Variants in FGFR2 observed in about 807,000 individuals in gnomAD.
FGFR2 encodes fibroblast growth factor receptor 2.
In FGFR2, 19 loss-of-function variants were observed where a neutral mutation model predicts 95.9. That is an observed-to-expected ratio of 0.20 (90% CI 0.14 to 0.29). The LOEUF (loss-of-function observed/expected upper bound fraction) is 0.29. FGFR2 is among the 10% of genes least tolerant of loss of function. The pLI is 1.00. For synonymous variants in FGFR2, 392 were observed against 393.3 expected, an observed-to-expected ratio of 1.00 and a Z score of 0.04; for missense variants, 707 against 1,056.9, an observed-to-expected ratio of 0.67 and a Z score of 4.59.
chr10:121,570,571 T>A (rs1174511047), intron 2 of FGFR2, among the ~76,000 whole-genome samples: 2 of 152,204 alleles, frequency 1.3e-5, no homozygotes, highest in Non-Finnish European at 2.9e-5. Context: ...TGGCATACTT[T>A]TCACCTTTCC....
At chr10:121,503,221 T>A (rs942791540) in intron 10 of FGFR2, among the ~76,000 whole-genome samples, 2 of 152,226 alleles carry the variant, frequency 1.3e-5, no homozygotes. Flanking sequence ...CAGGTGGCCA[T>A]ATTTTGACTA....
At chr10:121,556,102 TTGGATGGATGGATGGA>T (rs58257467) in intron 4 of FGFR2, among the ~76,000 whole-genome samples, 1 of 152,022 alleles carries the variant, frequency 6.6e-6, no homozygotes, top group South Asian at 2.1e-4. Flanking sequence ...TCAAGCGTTA[TTGGATGGATGGATGGA>T]TGGATGGATG....
intron 5 of FGFR2, among the ~76,000 whole-genome samples, chr10:121,547,158 AG>A (rs961782848): frequency 6.6e-6 from 1 of 152,322 alleles, no homozygotes; most frequent in Admixed American, 6.5e-5. Flanking sequence ...CGGGAGGCAG[AG>A]GTTACAGTGT....
chr10:121,486,458 C>T (rs1361084083), intron 15 of FGFR2, among the ~76,000 whole-genome samples: 1 of 151,370 alleles, frequency 6.6e-6, no homozygotes, highest in African/African-American at 2.4e-5. Context: ...ATTTTTTTTT[C>T]CCCAGACAGA....
At chr10:121,571,686 G>A (rs989896888) in intron 2 of FGFR2, among the ~76,000 whole-genome samples, 1 of 151,938 alleles carries the variant, frequency 6.6e-6, no homozygotes, top group Non-Finnish European at 1.5e-5. Context: ...GCTCGTGCTT[G>A]TAATCCCAGC....
In FGFR2 at chr10:121,524,677, C is replaced by T. The variant is rs188349262; in HGVS notation, c.749-4508G>A. On this transcript the variant is annotated intron_variant, in intron 6 of 17. Coordinates refer to ENST00000358487, the MANE Select transcript of FGFR2 (RefSeq NM_000141.5). ...GACAGCGCCTGGACTCCTTTCCTAA[C>T]TTCTGAAAAACCGAGGTGATGGCAG... is the stretch of plus-strand genomic sequence containing the variant. Among the ~76,000 whole-genome samples, 421 of 152,318 alleles carry T rather than the reference C, an allele frequency of 2.8e-3. 5 individuals carry two copies. The highest frequency in any genetic ancestry group is 1.0e-3 in the Non-Finnish European group (69 of 68,036).
intron 4 of FGFR2, among the ~76,000 whole-genome samples, chr10:121,560,433 T>C (rs984856807): frequency 6.6e-6 from 1 of 151,824 alleles, no homozygotes; most frequent in Non-Finnish European, 1.5e-5. Context: ...GCTAACATGG[T>C]GGAACCCCAT....
At chr10:121,493,693 G>A (rs1187696314) in intron 13 of FGFR2, among the ~76,000 whole-genome samples, 1 of 152,184 alleles carries the variant, frequency 6.6e-6, no homozygotes, top group African/African-American at 2.4e-5. Flanking sequence ...CCACGCCCAT[G>A]GCTTGAACTC....
intron 4 of FGFR2, among the ~76,000 whole-genome samples, chr10:121,556,210 G>A (rs765085902): frequency 2.0e-5 from 3 of 152,108 alleles, no homozygotes; most frequent in Non-Finnish European, 2.9e-5. Context: ...TAAGGTCCCC[G>A]CCAGTTCGAA....
At chr10:121,563,167 A>G (rs1857211105) in intron 4 of FGFR2, among the ~76,000 whole-genome samples, 1 of 152,172 alleles carries the variant, frequency 6.6e-6, no homozygotes, top group African/African-American at 2.4e-5. Flanking sequence ...CAAGGTCAAG[A>G]GTTCGAGACC....
chr10:121,555,157 G>A (rs929434258), intron 4 of FGFR2, among the ~76,000 whole-genome samples: 1 of 152,196 alleles, frequency 6.6e-6, no homozygotes, highest in Non-Finnish European at 1.5e-5. Flanking sequence ...CGGATCACCT[G>A]AGGTCAGGAG....
chr10:121,590,052 C>A lies in FGFR2; in HGVS notation c.109+3657G>T, dbSNP rs531106887. 2.5e-3 allele frequency among the ~76,000 whole-genome samples: 359 copies of A among 146,400 alleles called. 2 individuals are homozygous for A. Among genetic ancestry groups the A allele is most frequent in the Middle Eastern group, 3.6e-3 (1 of 276 alleles). ...GACTTAGGGAGGTCTCTGTGTAGAT[C>A]CTGTCCTCGACGTTTCTGCTACTGA... On this transcript the variant is annotated intron_variant, in intron 2 of 17. Coordinates refer to ENST00000358487, the MANE Select transcript of FGFR2 (RefSeq NM_000141.5).
chr10:121,592,610 C>T (rs1050596038), intron 2 of FGFR2, among the ~76,000 whole-genome samples: 2 of 152,108 alleles, frequency 1.3e-5, no homozygotes, highest in African/African-American at 4.8e-5. Flanking sequence ...GGACGCAACC[C>T]TCCTTCCTAA....
Position 121,515,332 on chromosome 10 carries a change from TCA to T in FGFR2, c.1085-15_1085-14del, listed in dbSNP as rs746211161. 1 of 1,613,472 alleles carries T rather than the reference TCA, an allele frequency of 6.2e-7. No homozygotes were observed. Among genetic ancestry groups the T allele is most frequent in the Non-Finnish European group, 8.5e-7 (1 of 1,179,488 alleles). On this transcript the variant is annotated splice_polypyrimidine_tract_variant and intron_variant, in intron 8 of 17. Coordinates refer to ENST00000358487, the MANE Select transcript of FGFR2 (RefSeq NM_000141.5). ...TCTCTTCCAGGCGCTAGATTGCAGA[TCA>T]CAGGAGGAGGAACAGATAAGCAGGC...
chr10:121,506,644 G>A (rs1039093626), intron 9 of FGFR2, among the ~76,000 whole-genome samples: 1 of 152,110 alleles, frequency 6.6e-6, no homozygotes, highest in Non-Finnish European at 1.5e-5. Flanking sequence ...GAAAATCACC[G>A]CTCTCATCAG....
intron 6 of FGFR2, among the ~76,000 whole-genome samples, chr10:121,522,282 T>G (rs1850672269): frequency 6.6e-6 from 1 of 152,236 alleles, no homozygotes; most frequent in African/African-American, 2.4e-5. Flanking sequence ...CCAGGCGCAG[T>G]GGTTCATGCC....
intron 8 of FGFR2, among the ~76,000 whole-genome samples, chr10:121,516,370 T>C (rs1849712037): frequency 6.6e-6 from 1 of 152,232 alleles, no homozygotes; most frequent in Non-Finnish European, 1.5e-5. Flanking sequence ...ATGGTATTAT[T>C]GAAAGCTTAT....
intron 17 of FGFR2, chr10:121,482,074 T>C (rs1191111365): frequency 3.0e-6 from 3 of 1,007,608 alleles, no homozygotes; most frequent in Non-Finnish European, 4.6e-6. Flanking sequence ...CCTGACCTCA[T>C]GATCCGCCTG....
At chr10:121,564,096 C>T (rs748320339) in intron 4 of FGFR2, among the ~76,000 whole-genome samples, 16 of 152,160 alleles carry the variant, frequency 1.1e-4, no homozygotes, top group Admixed American at 6.5e-5. Context: ...CCCAATGTGC[C>T]GGGAGAGCAA....
Sources: gnomAD v4.1 joint callset for allele counts (sites outside exome capture counted in the v4.1 genomes callset) on GRCh38, gnomAD v4.1.1 for gene constraint, MANE v1.5 for transcripts, NCBI Gene and HGNC (gene_info 2026-07-23, HGNC 2026-07-21) for gene names.